Variants in ASB3 observed in about 807,000 individuals in gnomAD.
The protein encoded by ASB3 is ankyrin repeat and SOCS box protein 3.
A neutral mutation model predicts 54.5 loss-of-function variants in ASB3; 41 were observed. The ratio of observed to expected loss-of-function variants is 0.75; its 90% CI spans 0.59 to 0.98. The LOEUF is 0.98. ASB3 is among the 50% of genes least tolerant of loss of function. The probability of loss-of-function intolerance (pLI) is 0.00; values close to 1 mark genes in which losing one functional copy is unlikely to be tolerated. For synonymous variants in ASB3, 266 were observed against 221.2 expected (o/e 1.20, Z -1.80); for missense variants, 733 against 620.0 (o/e 1.18, Z -1.94).
At chr2:53,718,459 G>A (rs1175965974) in intron 5 of ASB3, among the ~76,000 whole-genome samples, 1 of 152,078 alleles carries the variant, frequency 6.6e-6, no homozygotes, top group African/African-American at 2.4e-5. Context: ...TTACAGACAA[G>A]CAAGCGATAA....
chr2:53,780,789 A>T (rs1000665531), intron 1 of ASB3, among the ~76,000 whole-genome samples: 5 of 152,196 alleles, frequency 3.3e-5, no homozygotes, highest in Admixed American at 3.3e-4. Context: ...AAAACTAATA[A>T]CAAATAAATA....
rs546841441 is a variant in ASB3 at position 53,704,795 on chromosome 2, G to C, written c.981-4267C>G. 3.3e-5 allele frequency among the ~76,000 whole-genome samples: 5 copies of C among 152,106 alleles called. No individual in the cohort carries two copies. In the South Asian group the frequency reaches 1.0e-3, roughly 32 times the overall value. ...TTTTCCTTTACCTATTAGGTAACTG[G>C]TCTAAAAAAACAAAGATTCTGCATT... is the stretch of plus-strand genomic sequence containing the variant. On this transcript the variant is annotated intron_variant, in intron 7 of 9. Coordinates refer to ENST00000263634, the MANE Select transcript of ASB3 (RefSeq NM_016115.5).
chr2:53,715,438 T>G (rs976040913), intron 6 of ASB3, among the ~76,000 whole-genome samples: 3 of 152,234 alleles, frequency 2.0e-5, no homozygotes, highest in Admixed American at 6.5e-5. Flanking sequence ...TAAGTAGAAC[T>G]TACACTCACA....
At position 53,700,296 on chromosome 2, in the gene ASB3, G is replaced by C. The variant is rs1422646620; in HGVS notation, c.1213C>G (p.Pro405Ala). The change falls in exon 8 of 10, where the codon CCA (proline) becomes GCA (alanine). Residue 405 changes from proline to alanine, a missense_variant. Pro to Ala is a conservative substitution (Grantham distance 27, BLOSUM62 -1). Transcript: ENST00000263634. ...LPHLLVAGFD[P>A]LILLCNSWID... ...CAAGAATTGCACAGTAGAATCAGTG[G>C]GTCAAATCCAGCAACCAGAAGATGT... The C allele has an allele frequency of 3.1e-6, 5 of 1,613,636 alleles. No homozygotes were observed. Among genetic ancestry groups the C allele is most frequent in the African/African-American group, 1.3e-5 (1 of 74,858 alleles).
At chr2:53,751,777 T>C (rs1031727945) in intron 2 of ASB3, among the ~76,000 whole-genome samples, 1 of 152,188 alleles carries the variant, frequency 6.6e-6, no homozygotes, top group South Asian at 2.1e-4. Context: ...AACTCACTGA[T>C]GAAACAAGTA....
At position 53,672,668 on chromosome 2, in the gene ASB3, T is replaced by G. The variant is rs182920769; in HGVS notation, c.1370-1978A>C. On this transcript the variant is annotated intron_variant, in intron 9 of 9. Transcript: ENST00000263634. ...ACATGAACACATCTAGAATGCAACA[T>G]CTATGGCTTGCAGTTTATTTATGTA... 9.5e-4 allele frequency among the ~76,000 whole-genome samples: 145 copies of G among 152,318 alleles called. 1 individual carries two copies. The highest frequency in any genetic ancestry group is 3.2e-3 in the African/African-American group (131 of 41,562).
chr2:53,721,344 C>T (rs558475962), intron 5 of ASB3, among the ~76,000 whole-genome samples: 2 of 135,030 alleles, frequency 1.5e-5, no homozygotes, highest in African/African-American at 5.6e-5. Flanking sequence ...TGCCTGAGCT[C>T]AAGAGTTCGA....
chr2:53,752,643 C>T (rs1330369121), intron 2 of ASB3, among the ~76,000 whole-genome samples: 4 of 152,286 alleles, frequency 2.6e-5, no homozygotes, highest in African/African-American at 9.6e-5. Context: ...ACCTGGGCAG[C>T]ATTTGGCTGT....
intron 2 of ASB3, among the ~76,000 whole-genome samples, chr2:53,758,275 A>C (rs116044648): frequency 0.012 from 1,875 of 152,360 alleles, 19 homozygotes; most frequent in Non-Finnish European, 0.018. Context: ...GGAAAAAGGC[A>C]CATGGGATAA....
intron 2 of ASB3, among the ~76,000 whole-genome samples, chr2:53,761,068 C>T (rs931966659): frequency 6.6e-6 from 1 of 152,152 alleles, no homozygotes; most frequent in Non-Finnish European, 1.5e-5. Context: ...ACCTCCCCAA[C>T]AGCACTTGGG....
intron 1 of ASB3, among the ~76,000 whole-genome samples, chr2:53,780,935 T>C (rs959838477): frequency 6.6e-6 from 1 of 152,236 alleles, no homozygotes; most frequent in South Asian, 2.1e-4. Flanking sequence ...AACTATATGC[T>C]AGATTCTATT....
At chr2:53,689,692 G>A (rs1668807755) in intron 9 of ASB3, among the ~76,000 whole-genome samples, 1 of 152,058 alleles carries the variant, frequency 6.6e-6, no homozygotes, top group Admixed American at 6.6e-5. Context: ...AAGTTTCAAG[G>A]GAAATTTTTG....
intron 8 of ASB3, among the ~76,000 whole-genome samples, chr2:53,699,809 T>A (rs1669386016): frequency 2.6e-5 from 4 of 152,142 alleles, no homozygotes; most frequent in African/African-American, 4.8e-5. Context: ...AGGAACTACC[T>A]GAAGTAAACA....
intron 1 of ASB3, among the ~76,000 whole-genome samples, chr2:53,785,236 C>T (rs1176117556): frequency 1.1e-4 from 17 of 152,218 alleles, no homozygotes; most frequent in Non-Finnish European, 2.5e-4. Flanking sequence ...TTCTTTGCAG[C>T]ACTTACCAAT....
chr2:53,779,077 T>G (rs1382826729), intron 1 of ASB3, among the ~76,000 whole-genome samples: 4 of 152,250 alleles, frequency 2.6e-5, no homozygotes. Context: ...GTAGCCATTC[T>G]GACACATATT....
chr2:53,686,334 A>G (rs985326428), intron 9 of ASB3, among the ~76,000 whole-genome samples: 2 of 152,210 alleles, frequency 1.3e-5, no homozygotes, highest in Non-Finnish European at 2.9e-5. Context: ...ACCAAGGACC[A>G]TGAACTCTGC....
chr2:53,768,991 G>C (rs1321881797), intron 1 of ASB3, among the ~76,000 whole-genome samples: 1 of 152,214 alleles, frequency 6.6e-6, no homozygotes, highest in Non-Finnish European at 1.5e-5. Context: ...ACCTGAATTA[G>C]AAACCATTCT....
chr2:53,733,406 T>C (rs571369310), intron 3 of ASB3, among the ~76,000 whole-genome samples: 1 of 152,124 alleles, frequency 6.6e-6, no homozygotes, highest in South Asian at 2.1e-4. Flanking sequence ...TAGAATTTCA[T>C]CTGTGTCCTT....
At chr2:53,706,432 G>A (rs951384878) in intron 7 of ASB3, among the ~76,000 whole-genome samples, 7 of 151,982 alleles carry the variant, frequency 4.6e-5, no homozygotes, top group Non-Finnish European at 1.0e-4. Flanking sequence ...TTAAAAAGGA[G>A]TCAAAAGGCA....
Sources: gnomAD v4.1 joint callset for allele counts (sites outside exome capture counted in the v4.1 genomes callset) on GRCh38, gnomAD v4.1.1 for gene constraint, MANE v1.5 for transcripts, NCBI Gene and HGNC (gene_info 2026-07-23, HGNC 2026-07-21) for gene names.